The following AGAP1 variants were observed in gnomAD, a reference collection of about 807,000 sequenced individuals.
AGAP1 encodes the protein ArfGAP with GTPase domain, ankyrin repeat and PH domain 1.
In AGAP1, 29 loss-of-function variants were observed where a neutral mutation model predicts 105.3. That is an observed-to-expected ratio of 0.28 (90% CI 0.21 to 0.38). AGAP1 has a LOEUF of 0.38. Ranked by LOEUF, AGAP1 falls within the 10% of genes least tolerant of loss-of-function variation. The probability of loss-of-function intolerance (pLI) is 1.00; values close to 1 mark genes in which losing one functional copy is unlikely to be tolerated. For synonymous variants in AGAP1, 509 were observed against 485.9 expected (o/e 1.05, Z -0.63); for missense variants, 998 against 1,165.1 (o/e 0.86, Z 2.09).
Position 235,837,051 on chromosome 2 carries a change from T to A in AGAP1, c.1050+29720T>A, listed in dbSNP as rs573950721. ...CCCGGTCTGGAGTGCAGTGGCGCAA[T>A]CTCAGCTTACCGCAACCTCCGCCTC... On this transcript the variant is annotated intron_variant, in intron 9 of 17. Transcript: ENST00000304032. Among the ~76,000 whole-genome samples the A allele has an allele frequency of 2.0e-5, 3 of 152,278 alleles. No homozygotes were observed. The South Asian group carries it at 6.2e-4, about 32-fold the overall frequency.
At chr2:235,827,010 A>C (rs1322476628) in intron 9 of AGAP1, among the ~76,000 whole-genome samples, 2 of 152,140 alleles carry the variant, frequency 1.3e-5, no homozygotes, top group African/African-American at 4.8e-5. Flanking sequence ...TACCAGATCC[A>C]TGGCTCATCC....
chr2:236,028,965 G>A (rs1173014992), intron 13 of AGAP1, among the ~76,000 whole-genome samples: 1 of 151,958 alleles, frequency 6.6e-6, no homozygotes, highest in African/African-American at 2.4e-5. Context: ...TTGAGAAATT[G>A]GACATTCTAC....
chr2:235,858,887 A>T (rs995070944), intron 9 of AGAP1, among the ~76,000 whole-genome samples: 7 of 152,246 alleles, frequency 4.6e-5, no homozygotes, highest in Non-Finnish European at 8.8e-5. Context: ...AATACCCCTC[A>T]TAAATACTGC....
chr2:235,646,913 A>G (rs1947406013), intron 1 of AGAP1, among the ~76,000 whole-genome samples: 1 of 152,166 alleles, frequency 6.6e-6, no homozygotes, highest in Admixed American at 6.5e-5. Flanking sequence ...AGGCGGGTGG[A>G]TCACGAGGTC....
Position 235,807,412 on chromosome 2 carries a change from C to T in AGAP1, c.1050+81C>T, listed in dbSNP as rs760599582. 49 of 1,292,082 alleles carry T rather than the reference C, an allele frequency of 3.8e-5. No homozygotes were observed. In the Middle Eastern group the frequency reaches 7.8e-4, roughly 20 times the overall value. The allele number at this position is 1,292,082 out of a possible 1,614,324, so 80.0% of individuals were successfully genotyped here. On this transcript the variant is annotated intron_variant, in intron 9 of 17. Coordinates refer to ENST00000304032, the MANE Select transcript of AGAP1 (RefSeq NM_001037131.3). ...CCTGGAGATGATGCTGGCTCTCGCA[C>T]CAAGGTCTGTCTGATGTGCTCTGTT...
At position 236,128,956 on chromosome 2, in the gene AGAP1, C is replaced by G. The variant is rs79049988; in HGVS notation, c.*4834C>G. The G allele has an allele frequency of 4.5e-3, 688 of 152,314 alleles. 4 individuals are homozygous for G. Among genetic ancestry groups the G allele is most frequent in the African/African-American group, 0.016 (668 of 41,570 alleles). 9.4% of individuals were successfully genotyped at this position (152,314 alleles called of 1,614,324 possible). On this transcript the variant is annotated 3_prime_UTR_variant, in exon 18 of 18. Transcript: ENST00000304032. This position sits in a 1 kb window ranked among gnomAD's most constrained non-coding sequence, Gnocchi z 5.9. ...ATTGAAAAGCAGTCAAGGAGGAGTT[C>G]AGATAGAAAAGTGCTGGAGATACAC...
At chr2:235,833,103 A>G (rs1444926337) in intron 9 of AGAP1, among the ~76,000 whole-genome samples, 1 of 152,138 alleles carries the variant, frequency 6.6e-6, no homozygotes, top group Non-Finnish European at 1.5e-5. Context: ...GCCGGAGAGC[A>G]GCTGGCTCTG....
In AGAP1 at chr2:235,792,453, T is replaced by C. The variant is rs1345417305; in HGVS notation, c.674-5306T>C. 1.3e-5 allele frequency among the ~76,000 whole-genome samples: 2 copies of C among 152,158 alleles called. No homozygotes were observed. Among genetic ancestry groups the C allele is most frequent in the African/African-American group, 2.4e-5 (1 of 41,426 alleles). ...GAGCCCAGTTTTGCTAAGGAGCTGT[T>C]GAAAAACTGGAAATAGAACAGCGCT... On this transcript the variant is annotated intron_variant, in intron 6 of 17. Transcript: ENST00000304032. The surrounding 1 kb of genome is among the most constrained non-coding windows in gnomAD (Gnocchi z 5.3).
rs890677756 is a variant in AGAP1, at chr2:236,056,772, C to T, written c.2114+7491C>T. 2.6e-5 allele frequency among the ~76,000 whole-genome samples: 4 copies of T among 152,126 alleles called. No homozygotes were observed. The highest frequency in any genetic ancestry group is 2.1e-4 in the South Asian group (1 of 4,826). On this transcript the variant is annotated intron_variant, in intron 16 of 17. Transcript: ENST00000304032. This position sits in a 1 kb window ranked among gnomAD's most constrained non-coding sequence, Gnocchi z 4.6. The stretch of plus-strand genomic sequence containing the variant: ...CAGCGCCCTGTGTGCTTGGATTATC[C>T]CCATTCCCAGACGTGTGCCAGGGTC...
chr2:236,000,631 C>T lies in AGAP1; in HGVS notation c.1645+32008C>T, dbSNP rs1408776154. Among the ~76,000 whole-genome samples, 1 of 152,206 alleles carries T rather than the reference C, an allele frequency of 6.6e-6. No individual in the cohort carries two copies. Among genetic ancestry groups the T allele is most frequent in the Non-Finnish European group, 1.5e-5 (1 of 68,042 alleles). On this transcript the variant is annotated intron_variant, in intron 13 of 17. Transcript: ENST00000304032. This position sits in a 1 kb window ranked among gnomAD's most constrained non-coding sequence, Gnocchi z 4.3. Reference sequence around the variant, plus strand: ...ACTTAAGCAGGATGGGCATGGACATCGTTGGCACTCACTTCCCTGCAGGGA... The same window carrying T: ...ACTTAAGCAGGATGGGCATGGACATTGTTGGCACTCACTTCCCTGCAGGGA...
chr2:235,971,165 A>G lies in AGAP1; in HGVS notation c.1645+2542A>G, dbSNP rs1006179100. Reference sequence around the variant, plus strand: ...ATCTTTCCAATAGCAAATAAGTCATAAGTTATTTATAAAAAGAAAATGTAT... The same window carrying G: ...ATCTTTCCAATAGCAAATAAGTCATGAGTTATTTATAAAAAGAAAATGTAT... On this transcript the variant is annotated intron_variant, in intron 13 of 17. Coordinates refer to ENST00000304032, the MANE Select transcript of AGAP1 (RefSeq NM_001037131.3). This position sits in a 1 kb window ranked among gnomAD's most constrained non-coding sequence, Gnocchi z 4.8. Among the ~76,000 whole-genome samples the G allele has an allele frequency of 1.3e-5, 2 of 152,214 alleles. No homozygotes were observed. The highest frequency in any genetic ancestry group is 1.5e-5 in the Non-Finnish European group (1 of 68,034).
At position 235,882,041 on chromosome 2, in the gene AGAP1, T is replaced by G. The variant is rs988335363; in HGVS notation, c.1051-1304T>G. ...TAATGCAGTTTGGGTTTTTCTGGGG[T>G]TTTTTTGTGGTTTTTGTTTTGTTTT... On this transcript the variant is annotated intron_variant, in intron 9 of 17. Transcript: ENST00000304032. This position sits in a 1 kb window ranked among gnomAD's most constrained non-coding sequence, Gnocchi z 4.6. Among the ~76,000 whole-genome samples, 2 of 152,046 alleles carry G rather than the reference T, an allele frequency of 1.3e-5. No homozygotes were observed. The highest frequency in any genetic ancestry group is 4.8e-5 in the African/African-American group (2 of 41,404).
intron 9 of AGAP1, among the ~76,000 whole-genome samples, chr2:235,827,652 A>G (rs1353801975): frequency 6.6e-6 from 1 of 152,164 alleles, no homozygotes. Flanking sequence ...TCTGAGCATG[A>G]GTCACAGGTG....
chr2:236,118,982 T>C (rs548269014), intron 16 of AGAP1, among the ~76,000 whole-genome samples: 1 of 152,216 alleles, frequency 6.6e-6, no homozygotes, highest in African/African-American at 2.4e-5. Flanking sequence ...AACATAAACA[T>C]GCCTTACTGT....
chr2:236,053,010 G>C lies in AGAP1; in HGVS notation c.2114+3729G>C, dbSNP rs1167835674. Among the ~76,000 whole-genome samples the C allele has an allele frequency of 6.6e-6, 1 of 152,230 alleles. No homozygotes were observed. Among genetic ancestry groups the C allele is most frequent in the Non-Finnish European group, 1.5e-5 (1 of 68,042 alleles). Reference sequence around the variant, plus strand: ...GGGTTTAAGAAGGGAGCCGTCAGCTGTGTGTAGGACAGGACTTCGTAACAC... The same window carrying C: ...GGGTTTAAGAAGGGAGCCGTCAGCTCTGTGTAGGACAGGACTTCGTAACAC... On this transcript the variant is annotated intron_variant, in intron 16 of 17. Coordinates refer to ENST00000304032, the MANE Select transcript of AGAP1 (RefSeq NM_001037131.3). The surrounding 1 kb of genome is among the most constrained non-coding windows in gnomAD (Gnocchi z 4.6).
intron 1 of AGAP1, among the ~76,000 whole-genome samples, chr2:235,654,238 C>CT (rs1947702539): frequency 6.6e-6 from 1 of 152,108 alleles, no homozygotes; most frequent in East Asian, 1.9e-4. Context: ...TAACTGTGTG[C>CT]TTAGTGTAGC....
rs2055415042 is a variant in AGAP1 at position 235,988,438 on chromosome 2, C to A, written c.1645+19815C>A. ...CTGCTTCAGATACTACTCAGAATTT[C>A]TTGTCCTTAAATGCCACCCCCAACC... is the stretch of plus-strand genomic sequence containing the variant. On this transcript the variant is annotated intron_variant, in intron 13 of 17. Transcript: ENST00000304032. This position sits in a 1 kb window ranked among gnomAD's most constrained non-coding sequence, Gnocchi z 4.7. Among the ~76,000 whole-genome samples the A allele has an allele frequency of 6.6e-6, 1 of 152,156 alleles. No individual in the cohort carries two copies. Among genetic ancestry groups the A allele is most frequent in the South Asian group, 2.1e-4 (1 of 4,824 alleles).
chr2:235,823,317 G>T (rs1490049664), intron 9 of AGAP1, among the ~76,000 whole-genome samples: 1 of 151,928 alleles, frequency 6.6e-6, no homozygotes, highest in Non-Finnish European at 1.5e-5. Flanking sequence ...ACTGAGTGCT[G>T]TCTTTCCCCA....
At chr2:235,678,319 G>C (rs923453921) in intron 1 of AGAP1, among the ~76,000 whole-genome samples, 1 of 152,206 alleles carries the variant, frequency 6.6e-6, no homozygotes, top group Non-Finnish European at 1.5e-5. Flanking sequence ...TGTGTAATTT[G>C]GAAGAGGAGA....
Sources: gnomAD v4.1 joint callset for allele counts (sites outside exome capture counted in the v4.1 genomes callset) on GRCh38, gnomAD v4.1.1 for gene constraint, Gnocchi (gnomAD v3.1) non-coding constraint, MANE v1.5 for transcripts, NCBI Gene and HGNC (gene_info 2026-07-23, HGNC 2026-07-21) for gene names.